Variants in HOGA1 observed in about 807,000 individuals in gnomAD.
HOGA1 encodes the protein 4-hydroxy-2-oxoglutarate aldolase, mitochondrial.
In HOGA1, 30 loss-of-function variants were observed where a neutral mutation model predicts 34.3. The observed-to-expected ratio is 0.87, with a 90% CI of 0.65 to 1.19. The LOEUF is 1.19. Ranked by LOEUF, HOGA1 falls within the 50% of genes most tolerant of loss-of-function variation. The probability of loss-of-function intolerance (pLI) is 0.00; values close to 1 mark genes in which losing one functional copy is unlikely to be tolerated. For synonymous variants in HOGA1, 161 were observed against 174.0 expected, an observed-to-expected ratio of 0.93 and a Z score of 0.59; for missense variants, 417 against 436.5, an observed-to-expected ratio of 0.96 and a Z score of 0.40.
chr10:97,598,044 C>T (rs1389014997), intron 1 of HOGA1, among the ~76,000 whole-genome samples: 1 of 152,258 alleles, frequency 6.6e-6, no homozygotes, highest in Non-Finnish European at 1.5e-5. Flanking sequence ...TCTAGAGGAA[C>T]TCTTAGACAT....
intron 1 of HOGA1, among the ~76,000 whole-genome samples, chr10:97,596,273 C>G (rs1589906389): frequency 6.6e-6 from 1 of 152,168 alleles, no homozygotes; most frequent in South Asian, 2.1e-4. Flanking sequence ...AGAGTGCAAG[C>G]CTCAGCTGTC....
chr10:97,600,877 G>T (rs2041110326), intron 5 of HOGA1: 1 of 152,440 alleles, frequency 6.6e-6, no homozygotes, highest in Non-Finnish European at 1.5e-5. Flanking sequence ...CCCCTGCCAT[G>T]TCATGGCCTC....
intron 1 of HOGA1, 29 bp from the exon 2 acceptor site, chr10:97,598,746 A>T (rs1268407420): frequency 1.4e-5 from 23 of 1,614,094 alleles, no homozygotes; most frequent in Non-Finnish European, 1.9e-5. Flanking sequence ...AGAGGATGGG[A>T]AGGAGTTAGT....
rs1223050813 is a variant in HOGA1 at position 97,603,602 on chromosome 10, T to C, written c.834+1612T>C. On this transcript the variant is annotated intron_variant, in intron 6 of 6. Coordinates refer to ENST00000370646, the MANE Select transcript of HOGA1 (RefSeq NM_138413.4). The surrounding 1 kb of genome is among the most constrained non-coding windows in gnomAD (Gnocchi z 4.5). ...TATTTTGAGATGGAGTTTCACTCTG[T>C]GCCCAGGCTGGAGTGCAGTGGCACA... is the stretch of plus-strand genomic sequence containing the variant. Among the ~76,000 whole-genome samples, 1 of 151,946 alleles carries C rather than the reference T, an allele frequency of 6.6e-6. No individual in the cohort carries two copies. The highest frequency in any genetic ancestry group is 1.5e-5 in the Non-Finnish European group (1 of 67,992).
intron 1 of HOGA1, among the ~76,000 whole-genome samples, chr10:97,591,125 A>G (rs568776549): frequency 1.3e-5 from 2 of 152,182 alleles, no homozygotes; most frequent in Admixed American, 1.3e-4. Flanking sequence ...GTACCTCTAG[A>G]CGTCTCAACA....
At chr10:97,605,446 A>C (rs4244327) in intron 6 of HOGA1, among the ~76,000 whole-genome samples, 85,048 of 151,102 alleles carry the variant, frequency 0.56, 26,616 homozygotes, top group Non-Finnish European at 0.72. Context: ...CAAACAAAAA[A>C]CAAACCCGAA....
At chr10:97,611,382 G>C in intron 6 of HOGA1, 128 bp from the exon 7 acceptor site, 1 of 1,010,458 alleles carries the variant, frequency 9.9e-7, no homozygotes, top group Non-Finnish European at 1.5e-6. Flanking sequence ...GGGTGCCATA[G>C]AGTTGGCAGT....
chr10:97,585,043 A>G, intron 1 of HOGA1, 129 bp downstream of exon 1: 1 of 748,726 alleles, frequency 1.3e-6, no homozygotes, highest in Non-Finnish European at 2.3e-6. Context: ...TCATTTTATT[A>G]TGGGAGAGGA....
At chr10:97,609,723 T>C (rs780961450) in intron 6 of HOGA1, among the ~76,000 whole-genome samples, 5 of 152,172 alleles carry the variant, frequency 3.3e-5, no homozygotes, top group Admixed American at 1.3e-4. Flanking sequence ...TCAGATATCT[T>C]TGGAAACCCA....
chr10:97,601,851 G>A lies in HOGA1; in HGVS notation c.701-6G>A, dbSNP rs1297190888. ...TGGCTGATGTTCTGCGTCTTACTTC[G>A]TGCAGGAGCTGTGGGGGGCGTCTGC... On this transcript the variant is annotated splice_polypyrimidine_tract_variant and splice_region_variant and intron_variant, in intron 5 of 6. Coordinates refer to ENST00000370646, the MANE Select transcript of HOGA1 (RefSeq NM_138413.4). 5 of 1,611,478 alleles carry A rather than the reference G, an allele frequency of 3.1e-6. No homozygotes were observed. The highest frequency in any genetic ancestry group is 2.2e-5 in the East Asian group (1 of 44,880).
At position 97,599,986 on chromosome 10, in the gene HOGA1, C is replaced by T. The variant is rs570257729; in HGVS notation, c.604-81C>T. 7 of 1,498,082 alleles carry T rather than the reference C, an allele frequency of 4.7e-6. No individual in the cohort carries two copies. In the South Asian group the frequency reaches 6.8e-5, roughly 14 times the overall value. 92.8% of individuals were successfully genotyped at this position (1,498,082 alleles called of 1,614,324 possible). On this transcript the variant is annotated intron_variant, in intron 4 of 6. Transcript: ENST00000370646. ...TGAGGGCATCTCTTTGAGCACTGGGCTTTCATTCCACCACACTTACCCGGC... is the reference window on the plus strand; with the variant it reads ...TGAGGGCATCTCTTTGAGCACTGGGTTTTCATTCCACCACACTTACCCGGC...
rs2041199065 is a variant in HOGA1, at chr10:97,611,870, T to C, written c.*211T>C. ...CGGCCCCTGACCTCTCCCTTTTGGA[T>C]CCTAAACTGTGTCTCTGGTCTGAAG... On this transcript the variant is annotated 3_prime_UTR_variant, in exon 7 of 7. Coordinates refer to ENST00000370646, the MANE Select transcript of HOGA1 (RefSeq NM_138413.4). The C allele has an allele frequency of 1.7e-6, 1 of 593,404 alleles. No individual in the cohort carries two copies. The highest frequency in any genetic ancestry group is 2.0e-5 in the South Asian group (1 of 48,818). The allele number at this position is 593,404 out of a possible 1,614,324, so 36.8% of individuals were successfully genotyped here.
chr10:97,597,942 C>G (rs1472570782), intron 1 of HOGA1, among the ~76,000 whole-genome samples: 1 of 151,962 alleles, frequency 6.6e-6, no homozygotes. Flanking sequence ...AGAGTGAGAC[C>G]CTCAAAGAAA....
intron 1 of HOGA1, among the ~76,000 whole-genome samples, chr10:97,591,610 T>C (rs942761004): frequency 1.3e-5 from 2 of 151,834 alleles, no homozygotes; most frequent in African/African-American, 4.8e-5. Context: ...TTCTTTTCCC[T>C]TTTTTTCTTG....
intron 6 of HOGA1, among the ~76,000 whole-genome samples, chr10:97,608,294 G>A (rs1423514365): frequency 6.6e-6 from 1 of 151,986 alleles, no homozygotes; most frequent in Non-Finnish European, 1.5e-5. Flanking sequence ...CTGGACAAAA[G>A]AGCAAGACCC....
chr10:97,601,437 T>G (rs1477405977), intron 5 of HOGA1, among the ~76,000 whole-genome samples: 2 of 152,114 alleles, frequency 1.3e-5, no homozygotes, highest in Non-Finnish European at 2.9e-5. Context: ...TTGCATCCAC[T>G]GGGGGGAATA....
chr10:97,593,029 CAAAAAAAAAAA>C (rs1169191059), intron 1 of HOGA1, among the ~76,000 whole-genome samples: 1 of 47,802 alleles, frequency 2.1e-5, no homozygotes, highest in African/African-American at 8.8e-5. Context: ...GACTCTGTCT[CAAAAAAAAAAA>C]AAAAAAAAAA....
At chr10:97,605,071 C>T (rs2041146801) in intron 6 of HOGA1, among the ~76,000 whole-genome samples, 1 of 152,096 alleles carries the variant, frequency 6.6e-6, no homozygotes, top group Non-Finnish European at 1.5e-5. Flanking sequence ...CGATACACAG[C>T]AGTACAAATG....
chr10:97,584,504 A>C lies in HOGA1; in HGVS notation c.-200A>C. 1 of 578,120 alleles carries C rather than the reference A, an allele frequency of 1.7e-6. No homozygotes were observed. The highest frequency in any genetic ancestry group is 3.1e-6 in the Non-Finnish European group (1 of 326,814). The allele number at this position is 578,120 out of a possible 1,614,324, so 35.8% of individuals were successfully genotyped here. A position where few individuals can be genotyped will look rare whatever the true frequency, so the allele number is the denominator to read the frequency against. On this transcript the variant is annotated 5_prime_UTR_variant, in exon 1 of 7. Coordinates refer to ENST00000370646, the MANE Select transcript of HOGA1 (RefSeq NM_138413.4). The stretch of plus-strand genomic sequence containing the variant: ...GGCATCTCTCTAGCTGCTACCCAGA[A>C]GGAACAGGGCCCCCTGGGGCCTATA...
Sources: allele counts gnomAD v4.1 joint callset (sites outside exome capture counted in the v4.1 genomes callset), GRCh38; gene constraint gnomAD v4.1.1; non-coding constraint Gnocchi (gnomAD v3.1); transcripts MANE v1.5; gene names NCBI Gene and HGNC (gene_info 2026-07-23, HGNC 2026-07-21).